The following MEF2A variants were observed in gnomAD, a reference collection of about 807,000 sequenced individuals.
MEF2A encodes the protein myocyte enhancer factor 2A, also known as myocyte-specific enhancer factor 2A.
Under a neutral mutation model 55.8 loss-of-function variants are expected in MEF2A, and 28 were observed. The ratio of observed to expected loss-of-function variants is 0.50; its 90% confidence interval spans 0.37 to 0.69. MEF2A has a LOEUF of 0.69. Among genes scored for constraint, MEF2A ranks in the 30% least tolerant of loss-of-function variants. MEF2A has a pLI of 0.00. For synonymous variants in MEF2A, 239 were observed against 227.1 expected, an observed-to-expected ratio of 1.05 and a Z score of -0.47; for missense variants, 528 against 626.2, an observed-to-expected ratio of 0.84 and a Z score of 1.67.
chr15:99,711,911 T>C (rs1421790370), intron 11 of MEF2A, among the ~76,000 whole-genome samples: 1 of 152,194 alleles, frequency 6.6e-6, no homozygotes, highest in Non-Finnish European at 1.5e-5. Context: ...CCTCTACTGC[T>C]CTCAGCCAGC....
At chr15:99,613,085 A>G (rs1170234778) in intron 2 of MEF2A, among the ~76,000 whole-genome samples, 1 of 152,248 alleles carries the variant, frequency 6.6e-6, no homozygotes, top group African/African-American at 2.4e-5. Context: ...ACTCTTGTAC[A>G]TAGCCAATCA....
chr15:99,574,132 G>A (rs781152446), intron 1 of MEF2A, among the ~76,000 whole-genome samples: 1 of 151,904 alleles, frequency 6.6e-6, no homozygotes, highest in Non-Finnish European at 1.5e-5. Flanking sequence ...TATATCTGCC[G>A]CAGATTCACC....
intron 2 of MEF2A, among the ~76,000 whole-genome samples, chr15:99,620,403 C>CA (rs2040944028): frequency 6.6e-6 from 1 of 152,194 alleles, no homozygotes; most frequent in Non-Finnish European, 1.5e-5. Flanking sequence ...TATATACACT[C>CA]AATGTTTAGC....
chr15:99,603,028 A>G (rs1184096416), intron 2 of MEF2A, among the ~76,000 whole-genome samples: 3 of 152,142 alleles, frequency 2.0e-5, no homozygotes, highest in Admixed American at 6.5e-5. Flanking sequence ...ACATTTGAAG[A>G]ATCTGTAGTG....
intron 4 of MEF2A, among the ~76,000 whole-genome samples, chr15:99,659,607 C>T (rs1187139682): frequency 6.6e-6 from 1 of 152,156 alleles, no homozygotes; most frequent in African/African-American, 2.4e-5. Flanking sequence ...TTGGAAAGAG[C>T]ACTAGACTTA....
intron 1 of MEF2A, among the ~76,000 whole-genome samples, chr15:99,582,931 A>T (rs1966359576): frequency 6.6e-6 from 1 of 152,166 alleles, no homozygotes; most frequent in African/African-American, 2.4e-5. Flanking sequence ...GGCAGTAGCT[A>T]TAAATCACCC....
chr15:99,708,159 T>C (rs575293055), intron 10 of MEF2A, among the ~76,000 whole-genome samples: 7 of 152,358 alleles, frequency 4.6e-5, no homozygotes, highest in African/African-American at 1.4e-4. Flanking sequence ...GAGACTGTAC[T>C]AGGGACATAG....
At chr15:99,576,448 A>T (rs1395430543) in intron 1 of MEF2A, among the ~76,000 whole-genome samples, 1 of 152,148 alleles carries the variant, frequency 6.6e-6, no homozygotes, top group Admixed American at 6.5e-5. Flanking sequence ...TTTGTCTCGA[A>T]CAAGGTTGTT....
chr15:99,700,389 A>G (rs1195950841), intron 8 of MEF2A, among the ~76,000 whole-genome samples: 1 of 151,448 alleles, frequency 6.6e-6, no homozygotes, highest in Non-Finnish European at 1.5e-5. Flanking sequence ...GGATGCCCCC[A>G]TAGTCCCAGC....
At position 99,696,823 on chromosome 15, in the gene MEF2A, C is replaced by T. The variant is rs553311766; in HGVS notation, c.858+6395C>T. ...TTATTTTTTTAGGTCAGCATTACCCCGCTGCAAAACCAAAGTAAGCCAACA... is the reference window on the plus strand; with the variant it reads ...TTATTTTTTTAGGTCAGCATTACCCTGCTGCAAAACCAAAGTAAGCCAACA... On this transcript the variant is annotated intron_variant, in intron 8 of 11. Transcript: ENST00000557942. 2.6e-3 allele frequency among the ~76,000 whole-genome samples: 392 copies of T among 151,860 alleles called. 2 individuals carry two copies. The highest frequency in any genetic ancestry group is 8.8e-3 in the African/African-American group (363 of 41,406).
rs185031721 is a variant in MEF2A at position 99,614,947 on chromosome 15, A to G, written c.-143+16436A>G. 1.7e-4 allele frequency among the ~76,000 whole-genome samples: 26 copies of G among 152,316 alleles called. No homozygotes were observed. In the East Asian group the frequency reaches 3.3e-3, roughly 19 times the overall value. On this transcript the variant is annotated intron_variant, in intron 2 of 11. Coordinates refer to ENST00000557942, the MANE Select transcript of MEF2A (RefSeq NM_001319206.4). ...GAGTGACAGGATAAGGCAGAGCCTT[A>G]CAGGCCATGTTAAAGGCTTGGGCTT...
At chr15:99,602,328 C>T (rs1201905026) in intron 2 of MEF2A, among the ~76,000 whole-genome samples, 1 of 152,058 alleles carries the variant, frequency 6.6e-6, no homozygotes, top group Non-Finnish European at 1.5e-5. Context: ...TTCACAGTGG[C>T]CTAGCACTTG....
intron 2 of MEF2A, among the ~76,000 whole-genome samples, chr15:99,617,789 A>G (rs1449612387): frequency 1.3e-5 from 2 of 152,086 alleles, no homozygotes; most frequent in South Asian, 2.1e-4. Context: ...TGTGTGGTTG[A>G]CATAAACTGT....
At chr15:99,705,956 G>C (rs545286463) in intron 9 of MEF2A, among the ~76,000 whole-genome samples, 1 of 152,278 alleles carries the variant, frequency 6.6e-6, no homozygotes, top group Admixed American at 6.5e-5. Flanking sequence ...TGCTTCTGTC[G>C]TACTCCTACA....
intron 7 of MEF2A, among the ~76,000 whole-genome samples, chr15:99,683,826 T>C (rs939183958): frequency 6.6e-6 from 1 of 152,116 alleles, no homozygotes; most frequent in Non-Finnish European, 1.5e-5. Context: ...GTGTACCCTG[T>C]ACCCAATATG....
intron 7 of MEF2A, among the ~76,000 whole-genome samples, chr15:99,686,005 T>G (rs2054148582): frequency 6.6e-6 from 1 of 152,218 alleles, no homozygotes; most frequent in Non-Finnish European, 1.5e-5. Context: ...TATTGGTCCA[T>G]GCAGAGTTTT....
At chr15:99,590,931 G>A (rs1003274247) in intron 1 of MEF2A, among the ~76,000 whole-genome samples, 1 of 151,972 alleles carries the variant, frequency 6.6e-6, no homozygotes, top group Non-Finnish European at 1.5e-5. Flanking sequence ...GTAGAGCTAG[G>A]TTTCTATCTG....
intron 1 of MEF2A, among the ~76,000 whole-genome samples, chr15:99,595,528 A>G (rs1369924906): frequency 1.3e-5 from 2 of 152,184 alleles, no homozygotes; most frequent in African/African-American, 4.8e-5. Context: ...AGTGCCTGGA[A>G]TATGTTGGAT....
chr15:99,703,520 G>T, intron 9 of MEF2A, 135 bp downstream of exon 9: 2 of 687,692 alleles, frequency 2.9e-6, no homozygotes, highest in Non-Finnish European at 4.6e-6. Context: ...TTTGAATAAA[G>T]CAATCTACTG....
Sources: allele counts gnomAD v4.1 joint callset (sites outside exome capture counted in the v4.1 genomes callset), GRCh38; gene constraint gnomAD v4.1.1; transcripts MANE v1.5; gene names NCBI Gene and HGNC (gene_info 2026-07-23, HGNC 2026-07-21).